RALYL: variants seen among roughly 807,000 people sequenced by gnomAD.
RALYL encodes the protein RNA-binding Raly-like protein.
Under a neutral mutation model 35.1 loss-of-function variants are expected in RALYL, and 29 were observed. The observed-to-expected ratio is 0.83, with a 90% CI of 0.61 to 1.13. RALYL has a LOEUF of 1.13. RALYL is among the 50% of genes most tolerant of loss of function. RALYL has a pLI of 0.00. For synonymous variants in RALYL, 120 were observed against 127.6 expected (o/e 0.94, Z 0.40); for missense variants, 359 against 360.4 (o/e 1.00, Z 0.03).
At chr8:84,722,075 T>C (rs1844028634) in intron 2 of RALYL, among the ~76,000 whole-genome samples, 1 of 152,098 alleles carries the variant, frequency 6.6e-6, no homozygotes, top group Non-Finnish European at 1.5e-5. Flanking sequence ...TTAACTTGAA[T>C]AGTTATAGCC....
intron 3 of RALYL, among the ~76,000 whole-genome samples, chr8:84,775,598 G>A (rs1816650505): frequency 6.6e-6 from 1 of 152,132 alleles, no homozygotes; most frequent in Non-Finnish European, 1.5e-5. Context: ...TTCCTGAAGT[G>A]CTTGGGTCTG....
chr8:84,653,284 G>A (rs1430664831), intron 2 of RALYL, among the ~76,000 whole-genome samples: 2 of 151,978 alleles, frequency 1.3e-5, no homozygotes, highest in African/African-American at 4.8e-5. Flanking sequence ...AGAGTTCTAA[G>A]AAAATATCAA....
intron 1 of RALYL, among the ~76,000 whole-genome samples, chr8:84,362,986 A>C (rs1388018406): frequency 2.0e-5 from 3 of 151,640 alleles, no homozygotes; most frequent in Non-Finnish European, 4.4e-5. Flanking sequence ...AAGGATCAGA[A>C]ACACACACAC....
At chr8:84,187,092 G>A (rs1812725569) in intron 1 of RALYL, among the ~76,000 whole-genome samples, 1 of 152,102 alleles carries the variant, frequency 6.6e-6, no homozygotes, top group South Asian at 2.1e-4. Context: ...CCAAGGTAAA[G>A]GTGGGGACTG....
At chr8:84,873,250 C>A in intron 6 of RALYL, 34 bp from the exon 7 acceptor site, 1 of 1,217,856 alleles carries the variant, frequency 8.2e-7, no homozygotes, top group East Asian at 2.5e-5. Flanking sequence ...GCATTTGATG[C>A]TCTGTTGTTT....
intron 1 of RALYL, among the ~76,000 whole-genome samples, chr8:84,201,771 T>A (rs1286910202): frequency 6.6e-6 from 1 of 152,070 alleles, no homozygotes; most frequent in Non-Finnish European, 1.5e-5. Context: ...TTCACTATGT[T>A]GCTCAGGTTA....
chr8:84,624,431 A>G (rs919145727), intron 2 of RALYL, among the ~76,000 whole-genome samples: 4 of 152,182 alleles, frequency 2.6e-5, no homozygotes, highest in African/African-American at 9.7e-5. Context: ...AAGGCCATGC[A>G]CATTCCTTGG....
intron 2 of RALYL, among the ~76,000 whole-genome samples, chr8:84,697,608 T>G (rs1839398306): frequency 6.6e-6 from 1 of 152,106 alleles, no homozygotes; most frequent in Admixed American, 6.6e-5. Flanking sequence ...TAACTTTTAA[T>G]TCAGGAGTGA....
chr8:84,244,413 T>C (rs1366933607), intron 1 of RALYL, among the ~76,000 whole-genome samples: 1 of 152,216 alleles, frequency 6.6e-6, no homozygotes, highest in Non-Finnish European at 1.5e-5. Flanking sequence ...TTTCCCTTTT[T>C]ACATTTATCT....
At chr8:84,295,701 C>T (rs1325776083) in intron 1 of RALYL, among the ~76,000 whole-genome samples, 1 of 152,084 alleles carries the variant, frequency 6.6e-6, no homozygotes, top group East Asian at 1.9e-4. Flanking sequence ...CCTTAGATAA[C>T]ACTGTCCTGT....
chr8:84,473,761 T>C (rs2053068788), intron 1 of RALYL, among the ~76,000 whole-genome samples: 1 of 151,916 alleles, frequency 6.6e-6, no homozygotes, highest in Non-Finnish European at 1.5e-5. Flanking sequence ...ACTATGTCAC[T>C]TAATAGTGTT....
chr8:84,636,836 A>G (rs1449370155), intron 2 of RALYL, among the ~76,000 whole-genome samples: 1 of 151,898 alleles, frequency 6.6e-6, no homozygotes, highest in Non-Finnish European at 1.5e-5. Flanking sequence ...ATTAAAGCAC[A>G]TCTTTAAATC....
At chr8:84,238,365 A>AT (rs35844780) in intron 1 of RALYL, among the ~76,000 whole-genome samples, 2 of 151,512 alleles carry the variant, frequency 1.3e-5, no homozygotes, top group Admixed American at 6.6e-5. Context: ...ATGTATATAG[A>AT]TTTTTTTTTC....
intron 1 of RALYL, among the ~76,000 whole-genome samples, chr8:84,449,085 T>C (rs796081493): frequency 0.017 from 2,500 of 151,358 alleles, 68 homozygotes; most frequent in African/African-American, 0.057. Flanking sequence ...TTTGTTTTTT[T>C]TTTTTTTTTG....
At chr8:84,593,713 T>G (rs1197739676) in intron 2 of RALYL, among the ~76,000 whole-genome samples, 1 of 152,074 alleles carries the variant, frequency 6.6e-6, no homozygotes, top group Non-Finnish European at 1.5e-5. Context: ...GTTGATTCAT[T>G]TAAAGCAGAG....
At chr8:84,189,052 T>A (rs887404469) in intron 1 of RALYL, among the ~76,000 whole-genome samples, 1 of 152,174 alleles carries the variant, frequency 6.6e-6, no homozygotes, top group Non-Finnish European at 1.5e-5. Context: ...TGAGTTAGTA[T>A]TTAGGATTTA....
intron 2 of RALYL, among the ~76,000 whole-genome samples, chr8:84,697,931 C>T (rs373201601): frequency 2.0e-5 from 3 of 152,162 alleles, no homozygotes; most frequent in East Asian, 3.9e-4. Flanking sequence ...TTGTCTGACA[C>T]TTTAAAAGCA....
intron 1 of RALYL, among the ~76,000 whole-genome samples, chr8:84,271,947 C>T (rs1469207549): frequency 6.6e-6 from 1 of 151,988 alleles, no homozygotes; most frequent in African/African-American, 2.4e-5. Context: ...GAATTGTGTG[C>T]TTAAAATAGA....
chr8:84,726,744 A>C (rs1285211176), intron 2 of RALYL, among the ~76,000 whole-genome samples: 10 of 151,982 alleles, frequency 6.6e-5, no homozygotes, highest in Non-Finnish European at 2.9e-5. Flanking sequence ...CTCCAGCCCA[A>C]GTATTCTCAG....
Sources: allele counts gnomAD v4.1 joint callset (sites outside exome capture counted in the v4.1 genomes callset), GRCh38; gene constraint gnomAD v4.1.1; transcripts MANE v1.5; gene names NCBI Gene and HGNC (gene_info 2026-07-23, HGNC 2026-07-21).